INPP5A: variants seen among roughly 807,000 people sequenced by gnomAD.
The protein encoded by INPP5A is 43 kDa inositol polyphosphate 5-phophatase.
In INPP5A, 14 loss-of-function variants were observed where a neutral mutation model predicts 65.2. The ratio of observed to expected loss-of-function variants is 0.21; its 90% confidence interval spans 0.14 to 0.34. The LOEUF (loss-of-function observed/expected upper bound fraction) is 0.34. Among genes scored for constraint, INPP5A ranks in the 10% least tolerant of loss-of-function variants. The pLI is 1.00. For synonymous variants in INPP5A, 207 were observed against 208.3 expected (o/e 0.99, Z 0.05); for missense variants, 431 against 545.6 (o/e 0.79, Z 2.09).
intron 4 of INPP5A, among the ~76,000 whole-genome samples, chr10:132,660,280 C>T (rs985679933): frequency 6.6e-6 from 1 of 152,058 alleles, no homozygotes; most frequent in African/African-American, 2.4e-5. Context: ...CAAGAAGTGG[C>T]AATATAAGCT....
chr10:132,689,305 C>G (rs1329191090), intron 4 of INPP5A, among the ~76,000 whole-genome samples: 1 of 152,198 alleles, frequency 6.6e-6, no homozygotes, highest in Non-Finnish European at 1.5e-5. Flanking sequence ...TCCCTGCAGG[C>G]AGCCCCTGCC....
chr10:132,660,155 T>A (rs1240283138), intron 4 of INPP5A, among the ~76,000 whole-genome samples: 1 of 151,944 alleles, frequency 6.6e-6, no homozygotes, highest in Non-Finnish European at 1.5e-5. Context: ...AGGGTGGGGG[T>A]GAGAGATGGA....
At chr10:132,620,800 A>G (rs1351346627) in intron 2 of INPP5A, among the ~76,000 whole-genome samples, 5 of 152,240 alleles carry the variant, frequency 3.3e-5, no homozygotes, top group Non-Finnish European at 5.9e-5. Flanking sequence ...ACAAGAAACA[A>G]CAGAAATTCT....
At chr10:132,729,445 TCTA>T (rs1846043630) in intron 9 of INPP5A, among the ~76,000 whole-genome samples, 1 of 152,052 alleles carries the variant, frequency 6.6e-6, no homozygotes, top group Non-Finnish European at 1.5e-5. Context: ...CCTGCCCAGG[TCTA>T]GATGGCCCTG....
In INPP5A at chr10:132,556,565, C is replaced by T. The variant is rs952313983; in HGVS notation, c.75+18394C>T. On this transcript the variant is annotated intron_variant, in intron 1 of 15. Transcript: ENST00000368594. ...CATACACATGCACAACATACATATA[C>T]ATACATGCATACCACATAGGCACAC... 2.0e-5 allele frequency among the ~76,000 whole-genome samples: 3 copies of T among 152,186 alleles called. No homozygotes were observed. The East Asian group carries it at 5.8e-4, about 29-fold the overall frequency.
intron 8 of INPP5A, among the ~76,000 whole-genome samples, chr10:132,712,744 G>A (rs1845667252): frequency 6.6e-6 from 1 of 151,628 alleles, no homozygotes; most frequent in African/African-American, 2.4e-5. Flanking sequence ...AGGTGTGTGT[G>A]TAGGTGCATG....
chr10:132,637,174 C>T lies in INPP5A; in HGVS notation c.118-8694C>T, dbSNP rs528290910. ...CTTGTGGTTGATCCGCCCGCTGCCT[C>T]GGCCTCCCAAAGTGGTGGGATTACA... On this transcript the variant is annotated intron_variant, in intron 2 of 15. Coordinates refer to ENST00000368594, the MANE Select transcript of INPP5A (RefSeq NM_005539.5). This position sits in a 1 kb window ranked among gnomAD's most constrained non-coding sequence, Gnocchi z 4.1. 1.2e-4 allele frequency among the ~76,000 whole-genome samples: 18 copies of T among 152,302 alleles called. No individual in the cohort carries two copies. The highest frequency in any genetic ancestry group is 1.0e-3 in the South Asian group (5 of 4,820).
At chr10:132,775,244 G>A (rs1425419443) in intron 12 of INPP5A, among the ~76,000 whole-genome samples, 1 of 150,688 alleles carries the variant, frequency 6.6e-6, no homozygotes, top group Non-Finnish European at 1.5e-5. Context: ...GGCAGTGCCT[G>A]CAGAGGCTAG....
intron 4 of INPP5A, among the ~76,000 whole-genome samples, chr10:132,673,714 C>T (rs891983140): frequency 7.2e-5 from 11 of 152,212 alleles, no homozygotes; most frequent in African/African-American, 2.7e-4. Flanking sequence ...GTAGTCTTCA[C>T]AGAAGCATTG....
chr10:132,681,459 C>G (rs547751128), intron 4 of INPP5A, among the ~76,000 whole-genome samples: 1 of 152,084 alleles, frequency 6.6e-6, no homozygotes, highest in South Asian at 2.1e-4. Context: ...GAAGAAACTC[C>G]GAACACATCT....
chr10:132,742,291 C>T (rs1317959511), intron 9 of INPP5A, among the ~76,000 whole-genome samples: 1 of 152,230 alleles, frequency 6.6e-6, no homozygotes, highest in Non-Finnish European at 1.5e-5. Flanking sequence ...CCGACCTGGG[C>T]CAGCACGCGC....
At chr10:132,761,882 T>A (rs1846739909) in intron 11 of INPP5A, among the ~76,000 whole-genome samples, 2 of 152,116 alleles carry the variant, frequency 1.3e-5, no homozygotes, top group Admixed American at 1.3e-4. Context: ...GAATAATTGA[T>A]ACAAATTATA....
At chr10:132,611,068 A>G (rs1328322245) in intron 2 of INPP5A, among the ~76,000 whole-genome samples, 2 of 140,438 alleles carry the variant, frequency 1.4e-5, no homozygotes, top group East Asian at 4.6e-4. Flanking sequence ...TGAGTTGGGC[A>G]GGGCAGAGGC....
rs1846443360 is a variant in INPP5A at position 132,749,902 on chromosome 10, G to T, written c.903+57G>T. 20 of 1,453,624 alleles carry T rather than the reference G, an allele frequency of 1.4e-5. No individual in the cohort carries two copies. The Admixed American group carries it at 1.8e-4, about 13-fold the overall frequency. 90.0% of individuals were successfully genotyped at this position (1,453,624 alleles called of 1,614,324 possible). Reference sequence around the variant, plus strand: ...CGTCCTGGGACATCCACGCCCCCAGGCCTTCCCATTACCTCTGCTTACCTG... The same window carrying T: ...CGTCCTGGGACATCCACGCCCCCAGTCCTTCCCATTACCTCTGCTTACCTG... On this transcript the variant is annotated intron_variant, in intron 11 of 15. Coordinates refer to ENST00000368594, the MANE Select transcript of INPP5A (RefSeq NM_005539.5).
At chr10:132,596,844 CATGCGTGTGTGT>C (rs1453165093) in intron 1 of INPP5A, among the ~76,000 whole-genome samples, 1 of 135,958 alleles carries the variant, frequency 7.4e-6, no homozygotes, top group Non-Finnish European at 1.7e-5. Context: ...TGCGTGTGTG[CATGCGTGTGTGT>C]GCATGTGTGT....
Position 132,591,086 on chromosome 10 carries a change from A to G in INPP5A, c.76-16829A>G, listed in dbSNP as rs190661575. 2.8e-3 allele frequency among the ~76,000 whole-genome samples: 427 copies of G among 152,184 alleles called. 1 individual carries two copies. Among genetic ancestry groups the G allele is most frequent in the African/African-American group, 8.6e-3 (357 of 41,516 alleles). ...TTTGGGGATCTTCTGTGACTCCTCT[A>G]TGGGTCCTTTGCCCGTTTTTCCATC... On this transcript the variant is annotated intron_variant, in intron 1 of 15. Transcript: ENST00000368594.
intron 2 of INPP5A, among the ~76,000 whole-genome samples, chr10:132,618,444 G>A (rs1486511383): frequency 6.6e-6 from 1 of 152,204 alleles, no homozygotes; most frequent in African/African-American, 2.4e-5. Context: ...ACTAAAGGTA[G>A]AGATAACCCA....
At chr10:132,700,493 T>C (rs1325172049) in intron 6 of INPP5A, among the ~76,000 whole-genome samples, 1 of 152,258 alleles carries the variant, frequency 6.6e-6, no homozygotes, top group Admixed American at 6.5e-5. Flanking sequence ...GAAACCCTTA[T>C]TTTAAAAACT....
Position 132,555,756 on chromosome 10 carries a change from C to A in INPP5A, c.75+17585C>A, listed in dbSNP as rs796938472. Among the ~76,000 whole-genome samples the A allele has an allele frequency of 5.3e-5, 8 of 152,278 alleles. No individual in the cohort carries two copies. The highest frequency in any genetic ancestry group is 1.9e-4 in the African/African-American group (8 of 41,542). The stretch of plus-strand genomic sequence containing the variant: ...CCCAGACAGGCACAACACTGACACA[C>A]CTTGTCACACTCTGCAGGGTGTTTT... On this transcript the variant is annotated intron_variant, in intron 1 of 15. Coordinates refer to ENST00000368594, the MANE Select transcript of INPP5A (RefSeq NM_005539.5). The surrounding 1 kb of genome is among the most constrained non-coding windows in gnomAD (Gnocchi z 4.4).
Sources: allele counts gnomAD v4.1 joint callset (sites outside exome capture counted in the v4.1 genomes callset), GRCh38; gene constraint gnomAD v4.1.1; non-coding constraint Gnocchi (gnomAD v3.1); transcripts MANE v1.5; gene names NCBI Gene and HGNC (gene_info 2026-07-23, HGNC 2026-07-21).